Variants in AP4E1 observed in about 807,000 individuals in gnomAD.
AP4E1 encodes AP-4 complex subunit epsilon-1.
A neutral mutation model predicts 128.2 loss-of-function variants in AP4E1; 56 were observed. The observed-to-expected ratio is 0.44, with a 90% confidence interval of 0.35 to 0.55. The LOEUF (loss-of-function observed/expected upper bound fraction) is 0.55, where lower values mean the gene tolerates loss of function less well. Ranked by LOEUF, AP4E1 falls within the 20% of genes least tolerant of loss-of-function variation. The pLI is 0.00. For missense variants in AP4E1, 1,324 were observed against 1,307.7 expected (o/e 1.01, Z -0.19); for synonymous variants, 484 against 473.1 (o/e 1.02, Z -0.30).
chr15:50,933,631 G>C (rs1483924931), intron 7 of AP4E1, among the ~76,000 whole-genome samples: 16 of 152,052 alleles, frequency 1.1e-4, no homozygotes, highest in Admixed American at 1.0e-3. Context: ...TTCTGAGAAA[G>C]AAATGCTTAC....
intron 2 of AP4E1, 53 bp downstream of exon 2, chr15:50,912,202 T>C: frequency 6.9e-7 from 1 of 1,458,520 alleles, no homozygotes; most frequent in Non-Finnish European, 9.6e-7. Flanking sequence ...CTAGTCACTG[T>C]GGACTCAATA....
Position 51,004,386 on chromosome 15 carries a change from T to G in AP4E1, c.*1724T>G, listed in dbSNP as rs1004389517. On this transcript the variant is annotated 3_prime_UTR_variant, in exon 21 of 21. Transcript: ENST00000261842. ...ACAAAGGAGGTGCTCCAATTTTTTG[T>G]GTCCTTACTTCCCTATGTTTGCCTA... The G allele has an allele frequency of 3.3e-5, 5 of 152,258 alleles. No homozygotes were observed. The highest frequency in any genetic ancestry group is 7.3e-5 in the Non-Finnish European group (5 of 68,058). 9.4% of individuals were successfully genotyped at this position (152,258 alleles called of 1,614,324 possible). A position where few individuals can be genotyped will look rare whatever the true frequency, so the allele number is the denominator to read the frequency against.
rs2065008564 is a variant in AP4E1, at chr15:51,005,525, A to G, written c.*2863A>G. On this transcript the variant is annotated 3_prime_UTR_variant, in exon 21 of 21. Coordinates refer to ENST00000261842, the MANE Select transcript of AP4E1 (RefSeq NM_007347.5). ...AGCAGTTACCAACTGCTAATGTGCC[A>G]AGTATACCAAGCACAGCATGTGTCC... is the stretch of plus-strand genomic sequence containing the variant. The G allele has an allele frequency of 6.6e-6, 1 of 152,652 alleles. No individual in the cohort carries two copies. The highest frequency in any genetic ancestry group is 1.5e-5 in the Non-Finnish European group (1 of 68,048). 9.5% of individuals were successfully genotyped at this position (152,652 alleles called of 1,614,324 possible).
At chr15:50,975,197 G>A (rs1397574854) in intron 15 of AP4E1, among the ~76,000 whole-genome samples, 1 of 152,164 alleles carries the variant, frequency 6.6e-6, no homozygotes, top group African/African-American at 2.4e-5. Flanking sequence ...CCTGAGGTCG[G>A]GAGTTCGAGA....
intron 10 of AP4E1, among the ~76,000 whole-genome samples, chr15:50,946,385 A>G (rs1323432490): frequency 1.3e-5 from 2 of 152,180 alleles, no homozygotes; most frequent in Admixed American, 1.3e-4. Context: ...GTTTCTTCCT[A>G]TGATTCCACA....
intron 7 of AP4E1, among the ~76,000 whole-genome samples, chr15:50,932,487 A>G (rs2063848465): frequency 6.6e-6 from 1 of 152,220 alleles, no homozygotes; most frequent in South Asian, 2.1e-4. Flanking sequence ...GCTTGAGAGC[A>G]AGCCCCTTGA....
upstream of AP4E1, chr15:50,908,640 T>G: frequency 8.7e-7 from 1 of 1,143,326 alleles, no homozygotes; most frequent in Non-Finnish European, 1.2e-6. Context: ...CTGAACTTGT[T>G]CAGGTGGGAC....
At chr15:50,909,045 A>C in intron 1 of AP4E1, 117 bp downstream of exon 1, 1 of 1,485,146 alleles carries the variant, frequency 6.7e-7, no homozygotes, top group Non-Finnish European at 9.0e-7. Flanking sequence ...GGCGGGGCTC[A>C]GGGGCTGCTG....
intron 13 of AP4E1, among the ~76,000 whole-genome samples, chr15:50,953,477 G>C (rs981482765): frequency 6.6e-6 from 1 of 152,130 alleles, no homozygotes; most frequent in Admixed American, 6.6e-5. Flanking sequence ...ATGAAATCTT[G>C]AGCCATCCTG....
chr15:50,963,596 A>C (rs1280723528), intron 14 of AP4E1, among the ~76,000 whole-genome samples: 1 of 152,194 alleles, frequency 6.6e-6, no homozygotes, highest in East Asian at 1.9e-4. Flanking sequence ...TTGTTGGTTA[A>C]TGGTTAGTAA....
intron 20 of AP4E1, among the ~76,000 whole-genome samples, chr15:51,001,741 G>T (rs564554676): frequency 6.6e-6 from 1 of 152,266 alleles, no homozygotes; most frequent in Non-Finnish European, 1.5e-5. Context: ...GGATACTTGG[G>T]TTACTTCCAC....
chr15:50,908,734 G>A lies in AP4E1; in HGVS notation c.-45G>A. The stretch of plus-strand genomic sequence containing the variant: ...CGGCGGCCGGGCATGAAGCCGGGCG[G>A]CTACGGGATCGCGGGCGGCGGCGGC... On this transcript the variant is annotated 5_prime_UTR_variant, in exon 1 of 21. Coordinates refer to ENST00000261842, the MANE Select transcript of AP4E1 (RefSeq NM_007347.5). 2 of 1,490,022 alleles carry A rather than the reference G, an allele frequency of 1.3e-6. No individual in the cohort carries two copies. The highest frequency in any genetic ancestry group is 2.4e-5 in the Admixed American group (1 of 41,998). 92.3% of individuals were successfully genotyped at this position (1,490,022 alleles called of 1,614,324 possible).
At chr15:50,908,346 G>A (rs1160054660), upstream of AP4E1, among the ~76,000 whole-genome samples, 1 of 152,182 alleles carries the variant, frequency 6.6e-6, no homozygotes, top group Non-Finnish European at 1.5e-5. Context: ...GCGGCGGACG[G>A]CGCGGGGACG....
intron 16 of AP4E1, among the ~76,000 whole-genome samples, chr15:50,985,669 T>A (rs2064711371): frequency 6.6e-6 from 1 of 152,214 alleles, no homozygotes; most frequent in Non-Finnish European, 1.5e-5. Context: ...CATTGGTCTA[T>A]ATCTCTGTTT....
At chr15:51,000,333 G>A (rs2140938412) in intron 19 of AP4E1, among the ~76,000 whole-genome samples, 1 of 151,984 alleles carries the variant, frequency 6.6e-6, no homozygotes, top group African/African-American at 2.4e-5. Context: ...TAGAGATAGG[G>A]TTTTGCCATG....
rs760352234 is a variant in AP4E1 at position 50,993,617 on chromosome 15, A to T, written c.2338A>T (p.Ile780Phe). The T allele has an allele frequency of 6.2e-7, 1 of 1,613,988 alleles. No homozygotes were observed. Among genetic ancestry groups the T allele is most frequent in the South Asian group, 1.1e-5 (1 of 91,084 alleles). ...TGTTGGTCTAGGATCAGAAAGTACA[A>T]TCAACCTGGTAAGTAATCGGTTCTA... ...LFVGLGSEST[I>F]NLLGKADTVS... Residue 780 changes from isoleucine (I) to phenylalanine (F), a missense_variant, in exon 17 of 21, where the codon ATC becomes TTC. Physicochemically the swap from Ile to Phe is conservative, Grantham distance 21. Coordinates refer to ENST00000261842, the MANE Select transcript of AP4E1 (RefSeq NM_007347.5).
At chr15:50,962,589 T>C (rs1231717417) in intron 14 of AP4E1, among the ~76,000 whole-genome samples, 1 of 151,844 alleles carries the variant, frequency 6.6e-6, no homozygotes, top group African/African-American at 2.4e-5. Context: ...TCTCACCATA[T>C]AAAAAAATCA....
At position 50,908,713 on chromosome 15, in the gene AP4E1, G is replaced by GGCCGGGCATGAA. The variant is rs1555452731; in HGVS notation, c.-58_-47dup. The stretch of plus-strand genomic sequence containing the variant: ...CTACGGAGGCCGGGCCGGCAGCGGC[G>GGCCGGGCATGAA]GCCGGGCATGAAGCCGGGCGGCTAC... On this transcript the variant is annotated 5_prime_UTR_variant, in exon 1 of 21. The change creates a new upstream start codon in the 5' untranslated region. Coordinates refer to ENST00000261842, the MANE Select transcript of AP4E1 (RefSeq NM_007347.5). The GGCCGGGCATGAA allele has an allele frequency of 1.6e-5, 22 of 1,406,896 alleles. No homozygotes were observed. The highest frequency in any genetic ancestry group is 2.0e-5 in the Non-Finnish European group (22 of 1,085,462). 87.2% of individuals were successfully genotyped at this position (1,406,896 alleles called of 1,614,324 possible).
At chr15:50,912,657 A>ATTTTTT (rs200052940) in intron 2 of AP4E1, among the ~76,000 whole-genome samples, 1 of 144,242 alleles carries the variant, frequency 6.9e-6, no homozygotes, top group Non-Finnish European at 1.5e-5. Context: ...ACTCAGTTTG[A>ATTTTTT]TTTTTTTTTT....
Sources: allele counts gnomAD v4.1 joint callset (sites outside exome capture counted in the v4.1 genomes callset), GRCh38; gene constraint gnomAD v4.1.1; transcripts MANE v1.5; gene names NCBI Gene and HGNC (gene_info 2026-07-23, HGNC 2026-07-21).